Variants in SV2C observed in about 807,000 individuals in gnomAD.
SV2C encodes solute carrier family 22 member B3.
Under a neutral mutation model 79.7 loss-of-function variants are expected in SV2C, and 49 were observed. The ratio of observed to expected loss-of-function variants is 0.61; its 90% CI spans 0.49 to 0.78. The LOEUF (loss-of-function observed/expected upper bound fraction) is 0.78. Ranked by LOEUF, SV2C falls within the 30% of genes least tolerant of loss-of-function variation. The probability of loss-of-function intolerance (pLI) is 0.00; values close to 1 mark genes in which losing one functional copy is unlikely to be tolerated. For missense variants in SV2C, 833 were observed against 912.9 expected, an observed-to-expected ratio of 0.91 and a Z score of 1.13; for synonymous variants, 334 against 333.2, an observed-to-expected ratio of 1.00 and a Z score of -0.03.
At chr5:76,022,865 A>G in the SV2C span, among the ~76,000 whole-genome samples, 1 of 152,214 alleles carries the variant, frequency 6.6e-6, no homozygotes, top group Non-Finnish European at 1.5e-5. Flanking sequence ...AATGCATATT[A>G]TCTTTACATC....
At chr5:76,171,964 C>A (rs1191093486) in intron 2 of SV2C, among the ~76,000 whole-genome samples, 85 of 128,386 alleles carry the variant, frequency 6.6e-4, no homozygotes, top group African/African-American at 2.3e-3. Context: ...CCTGGCCAGC[C>A]GCCCCGTCCG....
the SV2C span, among the ~76,000 whole-genome samples, chr5:76,009,723 A>C: frequency 6.6e-6 from 1 of 152,098 alleles, no homozygotes; most frequent in Non-Finnish European, 1.5e-5. Context: ...CATGGACATA[A>C]TGTGGCAACA....
At chr5:76,135,269 T>G (rs900262721) in intron 2 of SV2C, among the ~76,000 whole-genome samples, 3 of 152,264 alleles carry the variant, frequency 2.0e-5, no homozygotes, top group Non-Finnish European at 4.4e-5. Flanking sequence ...CCTCTCATTT[T>G]GAGGTCCTTG....
chr5:76,146,792 T>C (rs1303019076), intron 2 of SV2C, among the ~76,000 whole-genome samples: 5 of 104,468 alleles, frequency 4.8e-5, no homozygotes, highest in African/African-American at 3.9e-5. Flanking sequence ...GAATGAGTTT[T>C]TTTTTAAAAA....
the SV2C span, among the ~76,000 whole-genome samples, chr5:76,036,807 G>T: frequency 1.3e-5 from 2 of 152,106 alleles, no homozygotes; most frequent in East Asian, 3.8e-4. Context: ...GCTAGATTGG[G>T]GAAGTTCTCC....
At chr5:76,275,643 A>G (rs1475949128) in intron 4 of SV2C, among the ~76,000 whole-genome samples, 1 of 152,228 alleles carries the variant, frequency 6.6e-6, no homozygotes, top group Admixed American at 6.5e-5. Context: ...GCACCTTGAA[A>G]GGTTTCAGAC....
At chr5:75,959,385 CT>C in the SV2C span, among the ~76,000 whole-genome samples, 1 of 152,062 alleles carries the variant, frequency 6.6e-6, no homozygotes, top group South Asian at 2.1e-4. Flanking sequence ...AAAGCTCATC[CT>C]GTTTAACATC....
chr5:76,076,768 C>A, the SV2C span, among the ~76,000 whole-genome samples: 1 of 152,180 alleles, frequency 6.6e-6, no homozygotes, highest in Admixed American at 6.5e-5. Context: ...TCTTGCTTTA[C>A]TAAGCATCAA....
chr5:76,244,602 G>A (rs1016288310), intron 4 of SV2C, among the ~76,000 whole-genome samples: 21 of 152,060 alleles, frequency 1.4e-4, no homozygotes, highest in African/African-American at 5.1e-4. Context: ...TTTAAATCTG[G>A]TATGTAGTTT....
At chr5:75,949,742 A>T in the SV2C span, among the ~76,000 whole-genome samples, 5 of 152,058 alleles carry the variant, frequency 3.3e-5, no homozygotes, top group Non-Finnish European at 7.4e-5. Flanking sequence ...CATGTGGCAC[A>T]GTGAGTCCAT....
the SV2C span, among the ~76,000 whole-genome samples, chr5:76,035,793 G>T: frequency 6.6e-6 from 1 of 151,846 alleles, no homozygotes; most frequent in Non-Finnish European, 1.5e-5. Context: ...TCAATTCCTG[G>T]GTATCCTTGT....
chr5:75,898,311 A>G, the SV2C span, among the ~76,000 whole-genome samples: 1 of 152,298 alleles, frequency 6.6e-6, no homozygotes, highest in South Asian at 2.1e-4. Flanking sequence ...CCTTTTCTGC[A>G]TCTATTGAGA....
chr5:76,190,486 G>T (rs1348621528), intron 2 of SV2C, among the ~76,000 whole-genome samples: 1 of 152,228 alleles, frequency 6.6e-6, no homozygotes, highest in Non-Finnish European at 1.5e-5. Context: ...AGAGCAGGGT[G>T]ATCAGATATT....
the SV2C span, among the ~76,000 whole-genome samples, chr5:76,014,868 A>C: frequency 6.6e-6 from 1 of 152,214 alleles, no homozygotes; most frequent in Non-Finnish European, 1.5e-5. Context: ...CTTTTTTAAA[A>C]AGCCTACATA....
chr5:75,921,592 G>T, the SV2C span: 1 of 965,680 alleles, frequency 1.0e-6, no homozygotes, highest in Non-Finnish European at 1.7e-6. Flanking sequence ...TCCTGTTGTA[G>T]GAGGTGACAA....
At chr5:76,208,382 G>T (rs916125477) in intron 3 of SV2C, among the ~76,000 whole-genome samples, 2 of 152,102 alleles carry the variant, frequency 1.3e-5, no homozygotes, top group Admixed American at 6.5e-5. Flanking sequence ...AGATTGAAAA[G>T]CACCAGCCTA....
chr5:76,259,041 T>A (rs11955458), intron 4 of SV2C, among the ~76,000 whole-genome samples: 4,628 of 152,306 alleles, frequency 0.03, 206 homozygotes, highest in African/African-American at 0.1. Flanking sequence ...CTAATTCCTG[T>A]CTTCTCCTAT....
At chr5:75,953,144 C>G in the SV2C span, among the ~76,000 whole-genome samples, 1 of 151,980 alleles carries the variant, frequency 6.6e-6, no homozygotes, top group Non-Finnish European at 1.5e-5. Flanking sequence ...CATGTACAGA[C>G]AGCATATGGT....
intron 3 of SV2C, among the ~76,000 whole-genome samples, chr5:76,206,583 A>G (rs576246681): frequency 2.0e-5 from 3 of 152,236 alleles, no homozygotes; most frequent in African/African-American, 7.2e-5. Context: ...TCTTTAAATC[A>G]TGAGAACAGA....
Sources: gnomAD v4.1 joint callset for allele counts (sites outside exome capture counted in the v4.1 genomes callset) on GRCh38, gnomAD v4.1.1 for gene constraint, MANE v1.5 for transcripts, NCBI Gene and HGNC (gene_info 2026-07-23, HGNC 2026-07-21) for gene names.